SIPA1L3: variants seen among roughly 807,000 people sequenced by gnomAD.
The protein encoded by SIPA1L3 is signal induced proliferation associated 1 like 3.
A neutral mutation model predicts 150.1 loss-of-function variants in SIPA1L3; 59 were observed. The observed-to-expected ratio is 0.39, with a 90% CI of 0.32 to 0.49. The LOEUF is 0.49. Among genes scored for constraint, SIPA1L3 ranks in the 20% least tolerant of loss-of-function variants. SIPA1L3 has a pLI of 0.86. For synonymous variants in SIPA1L3, 1,070 were observed against 1,077.6 expected (o/e 0.99, Z 0.14); for missense variants, 2,211 against 2,489.5 (o/e 0.89, Z 2.38).
intron 9 of SIPA1L3, among the ~76,000 whole-genome samples, chr19:38,122,393 T>C (rs1333890563): frequency 1.3e-5 from 2 of 152,152 alleles, no homozygotes; most frequent in Non-Finnish European, 2.9e-5. Context: ...CTCCACTCTC[T>C]CTCATGCCCA....
At chr19:37,956,189 A>G (rs1457396907) in intron 1 of SIPA1L3, among the ~76,000 whole-genome samples, 1 of 152,088 alleles carries the variant, frequency 6.6e-6, no homozygotes, top group African/African-American at 2.4e-5. Flanking sequence ...ACCAACGCTT[A>G]TTGTTACAGC....
rs752440821 is a variant in SIPA1L3 at position 38,082,960 on chromosome 19, C to T, written c.1395C>T (p.Ser465=). ...GCCACCTGGCAGAGCCCGCCCTGAG[C>T]GCCTACCGCACCAACGCCAGCATCT... ...GEGHLAEPAL[S]AYRTNASISV... is the part of the protein sequence containing the mutation. Residue 465 remains serine (S), a synonymous_variant, in exon 3 of 22, where the codon AGC becomes AGT. Transcript: ENST00000222345. 8 of 1,612,876 alleles carry T rather than the reference C, an allele frequency of 5.0e-6. No individual in the cohort carries two copies. Among genetic ancestry groups the T allele is most frequent in the East Asian group, 2.2e-5 (1 of 44,880 alleles).
Position 38,129,412 on chromosome 19 carries a change from T to C in SIPA1L3, c.2869-1086T>C, listed in dbSNP as rs185928510. Among the ~76,000 whole-genome samples, 999 of 150,384 alleles carry C rather than the reference T, an allele frequency of 6.6e-3. 42 individuals are homozygous for C. The South Asian group carries it at 0.12, about 18-fold the overall frequency. On this transcript the variant is annotated intron_variant, in intron 9 of 21. Transcript: ENST00000222345. The stretch of plus-strand genomic sequence containing the variant: ...AGGCCGAGGCGGGCAGATCATGAGG[T>C]CAGGAGTTCGAGACCAGCCTGACCA...
chr19:37,980,277 T>TC (rs1967170783), intron 1 of SIPA1L3, among the ~76,000 whole-genome samples: 1 of 152,248 alleles, frequency 6.6e-6, no homozygotes, highest in African/African-American at 2.4e-5. Flanking sequence ...CCCTTGGGTA[T>TC]CCGTCTAAGG....
intron 1 of SIPA1L3, among the ~76,000 whole-genome samples, chr19:37,957,721 T>C (rs1381487149): frequency 6.6e-6 from 1 of 151,896 alleles, no homozygotes; most frequent in Non-Finnish European, 1.5e-5. Context: ...TAATTTAATT[T>C]AATTTATTTT....
intron 1 of SIPA1L3, among the ~76,000 whole-genome samples, chr19:38,020,051 C>G (rs1968336448): frequency 6.6e-6 from 1 of 152,122 alleles, no homozygotes. Flanking sequence ...TATGACTGCA[C>G]CACTGCACTC....
intron 3 of SIPA1L3, among the ~76,000 whole-genome samples, chr19:38,084,293 T>C (rs1401006511): frequency 2.0e-5 from 3 of 152,136 alleles, no homozygotes; most frequent in Admixed American, 2.0e-4. Flanking sequence ...CCCTTATGCC[T>C]AGTGTTTCAT....
intron 7 of SIPA1L3, 51 bp downstream of exon 7, chr19:38,106,691 AC>A: frequency 8.0e-7 from 1 of 1,256,700 alleles, no homozygotes; most frequent in Non-Finnish European, 1.2e-6. Context: ...CTGCCCACCC[AC>A]CAGCATTGGC....
chr19:38,130,746 G>A lies in SIPA1L3; in HGVS notation c.3117G>A (p.Pro1039=), dbSNP rs139844747. Reference sequence around the variant, plus strand: ...TCACTGTGAAGGTGGTCATCATCCCGCCTTTTGAGGACGGCACTCCCCGGA... The same window carrying A: ...TCACTGTGAAGGTGGTCATCATCCCACCTTTTGAGGACGGCACTCCCCGGA... ...TSVTVKVVII[P]PFEDGTPRRG... Residue 1039 remains proline (P), a synonymous_variant, in exon 10 of 22, where the codon CCG becomes CCA. Coordinates refer to ENST00000222345, the MANE Select transcript of SIPA1L3 (RefSeq NM_015073.3). 25 of 1,609,206 alleles carry A rather than the reference G, an allele frequency of 1.6e-5. No individual in the cohort carries two copies. The highest frequency in any genetic ancestry group is 8.0e-5 in the African/African-American group (6 of 74,860).
chr19:38,053,618 G>C (rs1287368214), intron 2 of SIPA1L3, among the ~76,000 whole-genome samples: 1 of 151,956 alleles, frequency 6.6e-6, no homozygotes, highest in Non-Finnish European at 1.5e-5. Flanking sequence ...GTGTAGTGGT[G>C]CAATCACAGC....
chr19:38,001,589 T>C lies in SIPA1L3; in HGVS notation c.-378-27500T>C, dbSNP rs184472184. 9.7e-4 allele frequency among the ~76,000 whole-genome samples: 148 copies of C among 152,232 alleles called. 2 individuals are homozygous for C. The East Asian group carries it at 0.019, about 20-fold the overall frequency. ...CACAGGCATGTGCCACCATGCCTGG[T>C]TAATGGTTTTTATTATTCGTAGAGA... On this transcript the variant is annotated intron_variant, in intron 1 of 21. Transcript: ENST00000222345.
intron 1 of SIPA1L3, among the ~76,000 whole-genome samples, chr19:38,014,348 G>A (rs1184598801): frequency 2.0e-5 from 3 of 152,124 alleles, no homozygotes; most frequent in Admixed American, 1.3e-4. Context: ...GCCGTGAAGC[G>A]TGCAGCACCA....
At chr19:37,937,697 G>C (rs538492821) in intron 1 of SIPA1L3, among the ~76,000 whole-genome samples, 1 of 138,298 alleles carries the variant, frequency 7.2e-6, no homozygotes, top group Non-Finnish European at 1.5e-5. Flanking sequence ...AGCCTGGTTC[G>C]TGCCACTGCA....
rs1180566556 is a variant in SIPA1L3, at chr19:37,943,135, A to C, written c.-379+35777A>C. On this transcript the variant is annotated intron_variant, in intron 1 of 21. Coordinates refer to ENST00000222345, the MANE Select transcript of SIPA1L3 (RefSeq NM_015073.3). ...GTGATCCTCCTGCCTTGGCCTCCCA[A>C]AGTTGCTGGGATTCTAGGCGTGAGT... Among the ~76,000 whole-genome samples the C allele has an allele frequency of 7.3e-5, 11 of 150,132 alleles. No homozygotes were observed. In the East Asian group the frequency reaches 2.2e-3, roughly 29 times the overall value.
chr19:37,927,268 C>G (rs1299507706), intron 1 of SIPA1L3, among the ~76,000 whole-genome samples: 3 of 151,710 alleles, frequency 2.0e-5, no homozygotes, highest in African/African-American at 7.3e-5. Flanking sequence ...CCTCAGCCTC[C>G]CGAGTAGCTG....
At chr19:38,059,718 C>A (rs548830481) in intron 2 of SIPA1L3, among the ~76,000 whole-genome samples, 2 of 152,192 alleles carry the variant, frequency 1.3e-5, no homozygotes, top group East Asian at 3.9e-4. Flanking sequence ...TAACCCGGGT[C>A]CAGAAAGAGA....
chr19:37,955,706 G>T (rs1053737412), intron 1 of SIPA1L3, among the ~76,000 whole-genome samples: 1 of 152,120 alleles, frequency 6.6e-6, no homozygotes, highest in Admixed American at 6.5e-5. Flanking sequence ...CATATCAGTC[G>T]TTCATTTGTT....
intron 1 of SIPA1L3, among the ~76,000 whole-genome samples, chr19:37,983,179 C>T (rs1224017493): frequency 6.6e-6 from 1 of 152,182 alleles, no homozygotes; most frequent in East Asian, 1.9e-4. Context: ...GAACTAACAT[C>T]TAAACAGAAC....
chr19:38,069,519 C>T (rs1234568527), intron 2 of SIPA1L3, among the ~76,000 whole-genome samples: 3 of 152,182 alleles, frequency 2.0e-5, no homozygotes, highest in African/African-American at 7.2e-5. Flanking sequence ...TCTCTCTGCT[C>T]TCTCTGTTCC....
Sources: allele counts gnomAD v4.1 joint callset (sites outside exome capture counted in the v4.1 genomes callset), GRCh38; gene constraint gnomAD v4.1.1; transcripts MANE v1.5; gene names NCBI Gene and HGNC (gene_info 2026-07-23, HGNC 2026-07-21).